The following MGRN1 variants were observed in gnomAD, a reference collection of about 807,000 sequenced individuals.
The protein encoded by MGRN1 is mahogunin ring finger 1.
MGRN1 carries 29 observed loss-of-function variants against 69.2 expected under a neutral mutation model. That is an observed-to-expected ratio of 0.42 (90% CI 0.31 to 0.57). The LOEUF (loss-of-function observed/expected upper bound fraction) is 0.57, where lower values mean the gene tolerates loss of function less well. MGRN1 is among the 20% of genes least tolerant of loss of function. The pLI is 0.15. For missense variants in MGRN1, 998 were observed against 796.2 expected, an observed-to-expected ratio of 1.25 and a Z score of -3.05; for synonymous variants, 470 against 344.2, an observed-to-expected ratio of 1.37 and a Z score of -4.04.
At position 4,689,997 on chromosome 16, in the gene MGRN1, A is replaced by T. The variant is rs1325493693; in HGVS notation, c.*1089A>T. The T allele has an allele frequency of 6.6e-6, 1 of 151,768 alleles. No individual in the cohort carries two copies. The highest frequency in any genetic ancestry group is 1.9e-4 in the East Asian group (1 of 5,134). The allele number at this position is 151,768 out of a possible 1,614,324, so 9.4% of individuals were successfully genotyped here. A position where few individuals can be genotyped will look rare whatever the true frequency, so the allele number is the denominator to read the frequency against. On this transcript the variant is annotated 3_prime_UTR_variant, in exon 17 of 17. Coordinates refer to ENST00000262370, the MANE Select transcript of MGRN1 (RefSeq NM_015246.4). ...TTGGCCGGGCTGGTCTCAAACTCCT[A>T]AGGTCATCCACCTGCCTCGGCCTCC...
At position 4,630,482 on chromosome 16, in the gene MGRN1, C is replaced by T. The variant is rs1009079674; in HGVS notation, c.88+5434C>T. Among the ~76,000 whole-genome samples, 18 of 151,348 alleles carry T rather than the reference C, an allele frequency of 1.2e-4. 1 individual carries two copies. The highest frequency in any genetic ancestry group is 2.9e-5 in the Non-Finnish European group (2 of 67,890). The stretch of plus-strand genomic sequence containing the variant: ...TTGGTTTTTTTTGAGATGGAGTCTC[C>T]CTCTGTCACCCAGGCTGGAGTGTAG... On this transcript the variant is annotated intron_variant, in intron 1 of 16. Coordinates refer to ENST00000262370, the MANE Select transcript of MGRN1 (RefSeq NM_015246.4).
chr16:4,686,976 C>G, intron 16 of MGRN1: 3 of 985,496 alleles, frequency 3.0e-6, no homozygotes, highest in Non-Finnish European at 3.6e-6. Flanking sequence ...ATCTTGCGTC[C>G]TGTCCTGAGG....
At chr16:4,655,311 A>G (rs1408833235) in intron 4 of MGRN1, among the ~76,000 whole-genome samples, 1 of 152,206 alleles carries the variant, frequency 6.6e-6, no homozygotes, top group African/African-American at 2.4e-5. Context: ...CGCTGCTACC[A>G]GAAAGGCTAG....
At chr16:4,672,735 C>T (rs545856096) in intron 9 of MGRN1, among the ~76,000 whole-genome samples, 42 of 152,328 alleles carry the variant, frequency 2.8e-4, no homozygotes, top group African/African-American at 9.6e-4. Flanking sequence ...TTTGTGGACA[C>T]CTGTTTTAGA....
chr16:4,654,506 T>G (rs2078486206), intron 4 of MGRN1, among the ~76,000 whole-genome samples: 1 of 152,250 alleles, frequency 6.6e-6, no homozygotes, highest in South Asian at 2.1e-4. Context: ...CAAGTGGCTT[T>G]AGAGACAGGC....
At chr16:4,665,257 TGA>T in intron 7 of MGRN1, 106 bp downstream of exon 7, 1 of 1,273,218 alleles carries the variant, frequency 7.9e-7, no homozygotes, top group Non-Finnish European at 1.1e-6. Flanking sequence ...GTGGGGTGGC[TGA>T]GTGTCAAGGG....
At chr16:4,679,149 G>T (rs1312500110) in intron 11 of MGRN1, among the ~76,000 whole-genome samples, 3 of 152,190 alleles carry the variant, frequency 2.0e-5, no homozygotes, top group Admixed American at 1.3e-4. Flanking sequence ...CGTGTGCTCA[G>T]GTTTTTGGTG....
chr16:4,674,861 C>T (rs1286409384), intron 10 of MGRN1, among the ~76,000 whole-genome samples: 3 of 147,538 alleles, frequency 2.0e-5, no homozygotes, highest in East Asian at 4.1e-4. Context: ...AGGATGGTCT[C>T]GATCTCCTGA....
intron 5 of MGRN1, among the ~76,000 whole-genome samples, chr16:4,663,150 G>A (rs2078720659): frequency 6.6e-6 from 1 of 151,122 alleles, no homozygotes; most frequent in African/African-American, 2.4e-5. Context: ...TGCAATCTCC[G>A]CCTCCCGATT....
At chr16:4,682,699 G>A in intron 13 of MGRN1, 124 bp from the exon 14 acceptor site, 1 of 1,141,860 alleles carries the variant, frequency 8.8e-7, no homozygotes, top group Non-Finnish European at 1.2e-6. Context: ...TCTCCAGGGA[G>A]TGTCCTTGCG....
intron 4 of MGRN1, among the ~76,000 whole-genome samples, chr16:4,655,492 C>T (rs946724077): frequency 6.6e-6 from 1 of 151,942 alleles, no homozygotes; most frequent in Admixed American, 6.6e-5. Flanking sequence ...GTGCCACTGT[C>T]CCCCTCTGTC....
At chr16:4,650,748 A>C (rs534414389) in intron 2 of MGRN1, 16 of 342,226 alleles carry the variant, frequency 4.7e-5, no homozygotes, top group Non-Finnish European at 6.8e-5. Context: ...TCTGGGCTGC[A>C]ACGGCTGCGG....
Position 4,681,609 on chromosome 16 carries a change from C to T in MGRN1, c.1191C>T (p.Gly397=). The T allele has an allele frequency of 1.2e-6, 2 of 1,613,540 alleles. No individual in the cohort carries two copies. Among genetic ancestry groups the T allele is most frequent in the Middle Eastern group, 1.6e-4 (1 of 6,062 alleles). Reference sequence around the variant, plus strand: ...TCTCGCTGCTCGAGGCGCTCAACGGCCTCCGGGCTGTCTCCCCGGCCATCC... The same window carrying T: ...TCTCGCTGCTCGAGGCGCTCAACGGTCTCCGGGCTGTCTCCCCGGCCATCC... The part of the protein sequence containing the change: ...EPISLLEALN[G]LRAVSPAIPS... The change falls in exon 13 of 17, where the codon GGC becomes GGT. Residue 397 remains glycine (G), a synonymous_variant. Coordinates refer to ENST00000262370, the MANE Select transcript of MGRN1 (RefSeq NM_015246.4).
chr16:4,676,353 G>A (rs1250942142), intron 10 of MGRN1, among the ~76,000 whole-genome samples: 1 of 152,254 alleles, frequency 6.6e-6, no homozygotes, highest in Admixed American at 6.5e-5. Context: ...GGCAGGCAGT[G>A]TTGAGGACTG....
At chr16:4,684,891 G>A (rs1440382532) in intron 16 of MGRN1, among the ~76,000 whole-genome samples, 1 of 152,224 alleles carries the variant, frequency 6.6e-6, no homozygotes, top group Admixed American at 6.5e-5. Context: ...TGGCCCCAGG[G>A]CCCACCATTG....
At chr16:4,673,383 T>A (rs1390032873) in intron 9 of MGRN1, 115 bp from the exon 10 acceptor site, 1 of 1,388,480 alleles carries the variant, frequency 7.2e-7, no homozygotes, top group Non-Finnish European at 9.8e-7. Context: ...GACTTCTCTT[T>A]GTCATGACAG....
chr16:4,687,851 C>A, intron 16 of MGRN1: 3 of 985,496 alleles, frequency 3.0e-6, no homozygotes, highest in Non-Finnish European at 3.6e-6. Context: ...CTCTGCATTC[C>A]CATGAACCTC....
At chr16:4,679,351 G>A (rs948957397) in intron 11 of MGRN1, among the ~76,000 whole-genome samples, 2 of 152,132 alleles carry the variant, frequency 1.3e-5, no homozygotes, top group African/African-American at 4.8e-5. Context: ...GCCGGGGTCC[G>A]AGGTGTGACC....
intron 1 of MGRN1, among the ~76,000 whole-genome samples, chr16:4,629,922 C>G (rs1390531163): frequency 3.4e-5 from 5 of 147,804 alleles, no homozygotes; most frequent in South Asian, 2.1e-4. Flanking sequence ...GGCGCACGCC[C>G]GTAATCCCAG....
Sources: allele counts gnomAD v4.1 joint callset (sites outside exome capture counted in the v4.1 genomes callset), GRCh38; gene constraint gnomAD v4.1.1; transcripts MANE v1.5; gene names NCBI Gene and HGNC (gene_info 2026-07-23, HGNC 2026-07-21).